The following COPG2 variants were observed in gnomAD, a reference collection of about 807,000 sequenced individuals.
COPG2 encodes the protein coatomer subunit gamma-2.
COPG2 carries 37 observed loss-of-function variants against 46.3 expected under a neutral mutation model. That is an observed-to-expected ratio of 0.80 (90% CI 0.61 to 1.05). The LOEUF is 1.05. Ranked by LOEUF, COPG2 falls within the 50% of genes least tolerant of loss-of-function variation. The pLI is 0.00. For missense variants in COPG2, 427 were observed against 387.8 expected, an observed-to-expected ratio of 1.10 and a Z score of -0.85; for synonymous variants, 159 against 129.7, an observed-to-expected ratio of 1.23 and a Z score of -1.53.
chr7:130,541,504 T>C (rs956968221), intron 20 of COPG2, among the ~76,000 whole-genome samples: 1 of 151,494 alleles, frequency 6.6e-6, no homozygotes, highest in Non-Finnish European at 1.5e-5. Flanking sequence ...AGGTTGAGAC[T>C]GGGTGTGTAT....
intron 9 of COPG2, among the ~76,000 whole-genome samples, chr7:130,601,816 G>A (rs1554450354): frequency 6.7e-6 from 1 of 149,966 alleles, no homozygotes; most frequent in Non-Finnish European, 1.5e-5. Context: ...AGAACTTAAA[G>A]TATAATAAAA....
At chr7:130,610,577 G>C (rs1416483074) in intron 9 of COPG2, 1 of 523,644 alleles carries the variant, frequency 1.9e-6, no homozygotes, top group East Asian at 5.4e-5. Flanking sequence ...CAGACTTGTG[G>C]AATGATCTTA....
Position 130,638,165 on chromosome 7 carries a change from C to T in COPG2, c.323+14704G>A, listed in dbSNP as rs1162982250. Among the ~76,000 whole-genome samples, 5 of 152,148 alleles carry T rather than the reference C, an allele frequency of 3.3e-5. No individual in the cohort carries two copies. The East Asian group carries it at 9.7e-4, about 29-fold the overall frequency. ...TCCTGTATGAGGTGTCTGTTGACCC[C>T]TGCTGGGAGGTATCTCCCAGTAAGG... On this transcript the variant is annotated intron_variant, in intron 5 of 23. Transcript: ENST00000425248.
At chr7:130,581,697 CCAA>C (rs1296934256) in intron 9 of COPG2, among the ~76,000 whole-genome samples, 1 of 133,494 alleles carries the variant, frequency 7.5e-6, no homozygotes, top group Non-Finnish European at 1.6e-5. Flanking sequence ...TTCTTATACA[CCAA>C]CAACAGACAA....
intron 4 of COPG2, among the ~76,000 whole-genome samples, 191 bp downstream of exon 4, chr7:130,662,776 G>GA (rs1796003554): frequency 6.6e-6 from 1 of 152,132 alleles, no homozygotes; most frequent in Non-Finnish European, 1.5e-5. Flanking sequence ...GATCTGCAGG[G>GA]AAAAGTTTTA....
chr7:130,628,590 G>C (rs1275439161), intron 5 of COPG2, among the ~76,000 whole-genome samples: 3 of 152,124 alleles, frequency 2.0e-5, no homozygotes, highest in African/African-American at 7.2e-5. Context: ...TTTTCAAAAA[G>C]AAAAAAGTGA....
intron 9 of COPG2, among the ~76,000 whole-genome samples, chr7:130,594,894 G>C (rs1794498098): frequency 6.6e-6 from 1 of 152,120 alleles, no homozygotes; most frequent in Non-Finnish European, 1.5e-5. Context: ...GGAGAAATTG[G>C]GCTCTCAAAC....
At chr7:130,509,139 C>T (rs549404755) in intron 20 of COPG2, 24 of 443,142 alleles carry the variant, frequency 5.4e-5, no homozygotes, top group Non-Finnish European at 7.6e-5. Flanking sequence ...GGACTGATGG[C>T]GGGTCCACAG....
chr7:130,532,220 A>G (rs1799833297), intron 20 of COPG2, among the ~76,000 whole-genome samples: 1 of 152,230 alleles, frequency 6.6e-6, no homozygotes, highest in African/African-American at 2.4e-5. Flanking sequence ...ATGTAGCTGC[A>G]AAGGCAATGG....
intron 9 of COPG2, chr7:130,610,699 G>A: frequency 1.6e-6 from 1 of 614,038 alleles, no homozygotes; most frequent in South Asian, 1.6e-5. Context: ...TATATCTTAT[G>A]ATCAATGCAT....
chr7:130,637,699 T>C (rs1260133458), intron 5 of COPG2, among the ~76,000 whole-genome samples: 2 of 152,326 alleles, frequency 1.3e-5, no homozygotes, highest in East Asian at 3.9e-4. Flanking sequence ...AGTTTGTTAT[T>C]ACCTACCCTC....
chr7:130,587,032 C>T (rs1040991637), intron 9 of COPG2, among the ~76,000 whole-genome samples: 3 of 151,898 alleles, frequency 2.0e-5, no homozygotes, highest in African/African-American at 7.2e-5. Flanking sequence ...TTCAGCTGGG[C>T]GTGGTGGCTC....
intron 1 of COPG2, among the ~76,000 whole-genome samples, chr7:130,667,825 G>T (rs1198071691): frequency 6.6e-6 from 1 of 152,064 alleles, no homozygotes; most frequent in Non-Finnish European, 1.5e-5. Flanking sequence ...CCACAACAAC[G>T]AAGATTAATG....
At chr7:130,665,503 G>A (rs1227201587) in intron 3 of COPG2, among the ~76,000 whole-genome samples, 1 of 151,972 alleles carries the variant, frequency 6.6e-6, no homozygotes, top group Non-Finnish European at 1.5e-5. Context: ...TGTTTGTACT[G>A]AACACGTACA....
chr7:130,507,213 C>T (rs2116321448), intron 23 of COPG2, 61 bp downstream of exon 23: 1 of 776,440 alleles, frequency 1.3e-6, no homozygotes, highest in South Asian at 1.4e-5. Context: ...AGATGCCCAT[C>T]TATATCCTAT....
At chr7:130,563,755 C>CAAAAAAAAAAAAAAAA (rs1239944614) in intron 10 of COPG2, among the ~76,000 whole-genome samples, 16 of 88,986 alleles carry the variant, frequency 1.8e-4, no homozygotes, top group East Asian at 6.2e-4. Context: ...GACTCCGTCT[C>CAAAAAAAAAAAAAAAA]AAAAAAAAAA....
intron 9 of COPG2, among the ~76,000 whole-genome samples, chr7:130,603,246 A>G (rs782260904): frequency 2.0e-5 from 3 of 152,224 alleles, no homozygotes; most frequent in Non-Finnish European, 4.4e-5. Context: ...TAAGTCTAAA[A>G]TAAACATAAA....
intron 9 of COPG2, among the ~76,000 whole-genome samples, chr7:130,608,728 C>T (rs1209495568): frequency 3.3e-5 from 5 of 151,870 alleles, no homozygotes; most frequent in East Asian, 3.9e-4. Flanking sequence ...TAAAAAAAGG[C>T]GACTTTCAAG....
At chr7:130,514,251 C>T (rs1379237530) in intron 20 of COPG2, among the ~76,000 whole-genome samples, 1 of 152,130 alleles carries the variant, frequency 6.6e-6, no homozygotes, top group Non-Finnish European at 1.5e-5. Context: ...CTTAAAGACA[C>T]CAGGATAGAT....
Sources: gnomAD v4.1 joint callset for allele counts (sites outside exome capture counted in the v4.1 genomes callset) on GRCh38, gnomAD v4.1.1 for gene constraint, MANE v1.5 for transcripts, NCBI Gene and HGNC (gene_info 2026-07-23, HGNC 2026-07-21) for gene names.